ENAH: variants seen among roughly 807,000 people sequenced by gnomAD.
ENAH encodes ENAH actin regulator, also known as protein enabled homolog.
In ENAH, 23 loss-of-function variants were observed where a neutral mutation model predicts 78.7. The observed-to-expected ratio is 0.29, with a 90% confidence interval of 0.21 to 0.41. The LOEUF is 0.41. Ranked by LOEUF, ENAH falls within the 10% of genes least tolerant of loss-of-function variation. The pLI is 1.00. For missense variants in ENAH, 544 were observed against 691.0 expected, an observed-to-expected ratio of 0.79 and a Z score of 2.39; for synonymous variants, 226 against 241.0, an observed-to-expected ratio of 0.94 and a Z score of 0.58.
chr1:225,525,966 G>C (rs1051237839), intron 4 of ENAH, among the ~76,000 whole-genome samples: 1 of 152,038 alleles, frequency 6.6e-6, no homozygotes, highest in African/African-American at 2.4e-5. Flanking sequence ...CTAGCAAACT[G>C]TATACAGCCC....
At chr1:225,623,749 C>A (rs1657438607) in intron 1 of ENAH, among the ~76,000 whole-genome samples, 1 of 152,080 alleles carries the variant, frequency 6.6e-6, no homozygotes, top group Admixed American at 6.5e-5. Flanking sequence ...CCACGCCCGG[C>A]TAATTTTTTT....
Position 225,519,177 on chromosome 1 carries a change from AAG to A in ENAH, c.802+19_802+20del, listed in dbSNP as rs1426651820. On this transcript the variant is annotated intron_variant, in intron 5 of 13. Coordinates refer to ENST00000366843, the MANE Select transcript of ENAH (RefSeq NM_018212.6). Reference sequence around the variant, plus strand: ...TCCAAGCTCAGATACAAGAACACAGAAGAGTTTGTAAACTTCTTACCAGCACT... The same window carrying A: ...TCCAAGCTCAGATACAAGAACACAGAAGTTTGTAAACTTCTTACCAGCACT... 2.5e-6 allele frequency: 4 copies of A among 1,609,596 alleles called. No homozygotes were observed. Among genetic ancestry groups the A allele is most frequent in the African/African-American group, 1.3e-5 (1 of 74,908 alleles).
intron 1 of ENAH, among the ~76,000 whole-genome samples, chr1:225,617,475 C>T (rs1404919418): frequency 6.6e-6 from 1 of 152,148 alleles, no homozygotes; most frequent in East Asian, 1.9e-4. Flanking sequence ...TAAAGGTCAG[C>T]ATAAACCCAA....
intron 1 of ENAH, among the ~76,000 whole-genome samples, chr1:225,625,313 G>C (rs1285992623): frequency 1.3e-5 from 2 of 152,090 alleles, no homozygotes; most frequent in Admixed American, 6.5e-5. Context: ...ATATTTAGCA[G>C]ACAAAAATAA....
At position 225,643,870 on chromosome 1, in the gene ENAH, G is replaced by A. The variant is rs1161637683; in HGVS notation, c.5+8816C>T. ...GAGGATCGCTTGAGCCCAGGAGTTC[G>A]AGGCTGCAGTAAGCTATGATTGCAC... On this transcript the variant is annotated intron_variant, in intron 1 of 13. Coordinates refer to ENST00000366843, the MANE Select transcript of ENAH (RefSeq NM_018212.6). Among the ~76,000 whole-genome samples, 9 of 152,100 alleles carry A rather than the reference G, an allele frequency of 5.9e-5. 1 individual carries two copies. In the East Asian group the frequency reaches 1.3e-3, roughly 23 times the overall value.
intron 11 of ENAH, 146 bp from the exon 12 acceptor site, chr1:225,501,216 A>T (rs1442810515): frequency 1.8e-6 from 1 of 568,194 alleles, no homozygotes; most frequent in African/African-American, 1.9e-5. Flanking sequence ...TCAAAATTGT[A>T]GGGCTGATTA....
At chr1:225,517,807 C>T (rs1024679161) in intron 5 of ENAH, 5 of 1,551,068 alleles carry the variant, frequency 3.2e-6, no homozygotes, top group African/African-American at 2.7e-5. Context: ...CGCTGAGTGT[C>T]GCAGTGGTGG....
At chr1:225,608,914 G>T (rs1251762061) in intron 1 of ENAH, among the ~76,000 whole-genome samples, 5 of 150,536 alleles carry the variant, frequency 3.3e-5, no homozygotes, top group Admixed American at 1.3e-4. Context: ...CTTGAGTAAT[G>T]CCTTCAAAAT....
chr1:225,626,750 G>A (rs1172565551), intron 1 of ENAH, among the ~76,000 whole-genome samples: 1 of 152,212 alleles, frequency 6.6e-6, no homozygotes, highest in Non-Finnish European at 1.5e-5. Flanking sequence ...TATCTCAACT[G>A]TGTTAGCATT....
intron 2 of ENAH, among the ~76,000 whole-genome samples, chr1:225,556,525 CCT>C (rs1157536102): frequency 6.6e-6 from 1 of 152,072 alleles, no homozygotes; most frequent in Non-Finnish European, 1.5e-5. Flanking sequence ...CCATTTTTCT[CCT>C]GAGTTGTCAA....
At chr1:225,517,813 G>T in intron 5 of ENAH, 1 of 1,551,386 alleles carries the variant, frequency 6.4e-7, no homozygotes. Context: ...GTGTCGCAGT[G>T]GTGGTGTAGG....
At chr1:225,649,062 G>T (rs1420944778) in intron 1 of ENAH, among the ~76,000 whole-genome samples, 3 of 152,096 alleles carry the variant, frequency 2.0e-5, no homozygotes, top group Non-Finnish European at 4.4e-5. Context: ...GAAACAGGAG[G>T]AGTAACATAA....
chr1:225,523,831 C>T (rs2096486874), intron 4 of ENAH, among the ~76,000 whole-genome samples: 3 of 152,138 alleles, frequency 2.0e-5, no homozygotes, highest in African/African-American at 4.8e-5. Flanking sequence ...TCAGAATTAT[C>T]GCTGCCAATT....
At chr1:225,581,745 G>A (rs1427055734) in intron 1 of ENAH, among the ~76,000 whole-genome samples, 1 of 152,074 alleles carries the variant, frequency 6.6e-6, no homozygotes, top group African/African-American at 2.4e-5. Context: ...CCAGGCTGGA[G>A]TGCAGTGGTG....
chr1:225,573,533 A>G (rs906095245), intron 1 of ENAH, among the ~76,000 whole-genome samples: 5 of 152,204 alleles, frequency 3.3e-5, no homozygotes, highest in African/African-American at 1.2e-4. Flanking sequence ...TAAGCAGAAC[A>G]CGGCCTACAT....
intron 4 of ENAH, among the ~76,000 whole-genome samples, chr1:225,521,837 C>T (rs896095822): frequency 2.0e-5 from 3 of 151,714 alleles, no homozygotes; most frequent in Non-Finnish European, 4.4e-5. Context: ...GCTCTGTCGC[C>T]CAGGCTGGAG....
chr1:225,619,460 C>T (rs1365390471), intron 1 of ENAH, among the ~76,000 whole-genome samples: 1 of 152,204 alleles, frequency 6.6e-6, no homozygotes, highest in Admixed American at 6.5e-5. Context: ...AGGAGAATCA[C>T]TTGAACCTGA....
intron 1 of ENAH, among the ~76,000 whole-genome samples, chr1:225,600,764 G>C (rs1484652928): frequency 6.6e-6 from 1 of 151,918 alleles, no homozygotes; most frequent in Non-Finnish European, 1.5e-5. Context: ...GAAATGAGGT[G>C]GGAGGATCAT....
In ENAH at chr1:225,517,632, A is replaced by T; in HGVS notation, c.803-326T>A. On this transcript the variant is annotated intron_variant, in intron 5 of 13. Coordinates refer to ENST00000366843, the MANE Select transcript of ENAH (RefSeq NM_018212.6). ...TTGGAGGAGATGGAGGGAGGGGCGA[A>T]AAATTGGAAGTAGACCAGGCACAGG... 3.2e-6 allele frequency: 5 copies of T among 1,550,740 alleles called. 1 individual carries two copies. The highest frequency in any genetic ancestry group is 1.7e-4 in the Middle Eastern group (1 of 5,992).
Sources: allele counts gnomAD v4.1 joint callset (sites outside exome capture counted in the v4.1 genomes callset), GRCh38; gene constraint gnomAD v4.1.1; transcripts MANE v1.5; gene names NCBI Gene and HGNC (gene_info 2026-07-23, HGNC 2026-07-21).